RHEB: variants seen among roughly 807,000 people sequenced by gnomAD.
The protein encoded by RHEB is Ras homolog, mTORC1 binding, also known as GTP-binding protein Rheb.
A neutral mutation model predicts 28.8 loss-of-function variants in RHEB; 2 were observed. The ratio of observed to expected loss-of-function variants is 0.07; its 90% CI spans 0.03 to 0.22. The LOEUF is 0.22. Among genes scored for constraint, RHEB ranks in the 10% least tolerant of loss-of-function variants. RHEB has a pLI of 1.00. For synonymous variants in RHEB, 69 were observed against 77.3 expected (o/e 0.89, Z 0.56); for missense variants, 76 against 219.9 (o/e 0.35, Z 4.14).
chr7:151,513,460 CT>C (rs1224371733), intron 1 of RHEB, among the ~76,000 whole-genome samples: 2 of 152,200 alleles, frequency 1.3e-5, no homozygotes, highest in Admixed American at 1.3e-4. Flanking sequence ...AAACTTAAGA[CT>C]TTGCAGAGAT....
intron 1 of RHEB, among the ~76,000 whole-genome samples, chr7:151,506,511 C>T (rs528067452): frequency 6.6e-6 from 1 of 152,228 alleles, no homozygotes; most frequent in South Asian, 2.1e-4. Context: ...TACCAAACAT[C>T]TGGCATGTAG....
chr7:151,501,530 G>C (rs1173523406), intron 1 of RHEB, among the ~76,000 whole-genome samples: 1 of 152,166 alleles, frequency 6.6e-6, no homozygotes, highest in African/African-American at 2.4e-5. Flanking sequence ...AATTTGGCAA[G>C]TTCAGCAGCT....
chr7:151,504,411 T>C (rs570646218), intron 1 of RHEB, among the ~76,000 whole-genome samples: 1 of 152,304 alleles, frequency 6.6e-6, no homozygotes, highest in East Asian at 1.9e-4. Flanking sequence ...CCGAGTGTGA[T>C]GAAGCCCTGC....
At chr7:151,503,228 A>T (rs1207175368) in intron 1 of RHEB, 1 of 783,578 alleles carries the variant, frequency 1.3e-6, no homozygotes, top group African/African-American at 1.7e-5. Context: ...CATTTCACAG[A>T]CAAAGAGACC....
At chr7:151,488,303 GAC>G (rs1385391042) in intron 2 of RHEB, among the ~76,000 whole-genome samples, 4 of 152,152 alleles carry the variant, frequency 2.6e-5, no homozygotes, top group African/African-American at 4.8e-5. Context: ...TGTTAAAGAT[GAC>G]ACAGTCCCAG....
intron 3 of RHEB, among the ~76,000 whole-genome samples, chr7:151,482,298 G>A (rs1802391855): frequency 6.6e-6 from 1 of 152,176 alleles, no homozygotes; most frequent in Admixed American, 6.5e-5. Flanking sequence ...AGGCTGGACT[G>A]CAGTGGTGCT....
chr7:151,489,845 G>A (rs953046618), intron 2 of RHEB, among the ~76,000 whole-genome samples: 4 of 152,224 alleles, frequency 2.6e-5, no homozygotes, highest in African/African-American at 9.6e-5. Context: ...TCTGTATAAA[G>A]ACAGGAAATG....
intron 7 of RHEB, among the ~76,000 whole-genome samples, chr7:151,467,801 G>C (rs947018083): frequency 8.5e-5 from 13 of 152,090 alleles, no homozygotes; most frequent in African/African-American, 2.7e-4. Flanking sequence ...TCAGCCCAGG[G>C]TCAACCCCAC....
At chr7:151,510,056 T>C (rs886364369) in intron 1 of RHEB, among the ~76,000 whole-genome samples, 15 of 152,132 alleles carry the variant, frequency 9.9e-5, no homozygotes, top group African/African-American at 3.6e-4. Context: ...TAGGAAAAAG[T>C]CTAAAACTTT....
intron 1 of RHEB, chr7:151,502,899 C>G (rs554486331): frequency 1.2e-6 from 1 of 829,712 alleles, no homozygotes; most frequent in East Asian, 2.4e-5. Context: ...AGGTTACAAT[C>G]GAAAGTTTTA....
At chr7:151,478,105 CA>C (rs966194271) in intron 3 of RHEB, among the ~76,000 whole-genome samples, 53 of 152,272 alleles carry the variant, frequency 3.5e-4, no homozygotes, top group African/African-American at 1.3e-3. Flanking sequence ...TTTTATAAAG[CA>C]GCGTTATGAC....
intron 2 of RHEB, among the ~76,000 whole-genome samples, chr7:151,488,205 A>T (rs1370356886): frequency 6.6e-6 from 1 of 152,254 alleles, no homozygotes; most frequent in Non-Finnish European, 1.5e-5. Context: ...ATAATGAAGT[A>T]CACTTGCATA....
At chr7:151,474,800 T>C (rs1445867827) in intron 4 of RHEB, among the ~76,000 whole-genome samples, 1 of 152,206 alleles carries the variant, frequency 6.6e-6, no homozygotes, top group South Asian at 2.1e-4. Flanking sequence ...ATTATTTAGA[T>C]AGAGGTTAAA....
chr7:151,476,727 C>A (rs973692450), intron 4 of RHEB, among the ~76,000 whole-genome samples: 2 of 152,228 alleles, frequency 1.3e-5, no homozygotes, highest in Non-Finnish European at 2.9e-5. Flanking sequence ...CAAACATAAG[C>A]TGTCACCAAT....
intron 1 of RHEB, among the ~76,000 whole-genome samples, chr7:151,517,469 G>A (rs1356271826): frequency 6.6e-6 from 1 of 151,840 alleles, no homozygotes; most frequent in Non-Finnish European, 1.5e-5. Flanking sequence ...ATGGAGAAGT[G>A]GGGTAGGTTG....
chr7:151,476,189 C>T (rs1460530078), intron 4 of RHEB, among the ~76,000 whole-genome samples: 1 of 152,118 alleles, frequency 6.6e-6, no homozygotes, highest in South Asian at 2.1e-4. Context: ...GTTTCTCTGC[C>T]ACGGAGAAAA....
At chr7:151,470,066 C>A (rs766467568) in intron 7 of RHEB, among the ~76,000 whole-genome samples, 2 of 152,052 alleles carry the variant, frequency 1.3e-5, no homozygotes, top group Non-Finnish European at 2.9e-5. Context: ...TACATCCTTC[C>A]CAGAACATGC....
intron 2 of RHEB, among the ~76,000 whole-genome samples, chr7:151,486,661 T>C (rs757094256): frequency 6.6e-6 from 1 of 152,228 alleles, no homozygotes; most frequent in Admixed American, 6.5e-5. Flanking sequence ...AAGATCACTC[T>C]GGCTACGCTG....
chr7:151,496,121 T>G (rs1802667897), intron 1 of RHEB, among the ~76,000 whole-genome samples: 1 of 152,204 alleles, frequency 6.6e-6, no homozygotes, highest in South Asian at 2.1e-4. Flanking sequence ...CAGGGCTGCT[T>G]TCACCACCTC....
Sources: gnomAD v4.1 joint callset for allele counts (sites outside exome capture counted in the v4.1 genomes callset) on GRCh38, gnomAD v4.1.1 for gene constraint, MANE v1.5 for transcripts, NCBI Gene and HGNC (gene_info 2026-07-23, HGNC 2026-07-21) for gene names.